GABRA5: variants seen among roughly 807,000 people sequenced by gnomAD.
GABRA5 encodes gamma-aminobutyric acid type A receptor subunit alpha5.
A neutral mutation model predicts 47.3 loss-of-function variants in GABRA5; 18 were observed. That is an observed-to-expected ratio of 0.38 (90% CI 0.26 to 0.56). The LOEUF is 0.56. GABRA5 is among the 20% of genes least tolerant of loss of function. GABRA5 has a pLI of 0.71. For synonymous variants in GABRA5, 237 were observed against 229.3 expected, an observed-to-expected ratio of 1.03 and a Z score of -0.30; for missense variants, 365 against 599.3, an observed-to-expected ratio of 0.61 and a Z score of 4.08.
intron 7 of GABRA5, among the ~76,000 whole-genome samples, chr15:26,924,332 A>G (rs1413838750): frequency 9.9e-5 from 15 of 152,058 alleles, no homozygotes; most frequent in Admixed American, 5.2e-4. Context: ...CTAGGCCTCT[A>G]CTGATAGTTC....
intron 3 of GABRA5, chr15:26,877,667 A>G (rs1474476572): frequency 2.2e-6 from 1 of 455,612 alleles, no homozygotes; most frequent in Non-Finnish European, 4.4e-6. Context: ...TTTCTTCTCC[A>G]GAAATGACGC....
intron 7 of GABRA5, among the ~76,000 whole-genome samples, chr15:26,920,768 C>T (rs1161404493): frequency 6.6e-6 from 1 of 152,152 alleles, no homozygotes; most frequent in Middle Eastern, 3.2e-3. Flanking sequence ...CTGGGGACCT[C>T]TCCAACCTTG....
chr15:26,917,491 G>A (rs1893745223), intron 7 of GABRA5, among the ~76,000 whole-genome samples: 1 of 151,992 alleles, frequency 6.6e-6, no homozygotes, highest in Non-Finnish European at 1.5e-5. Context: ...GAGGAGTTTG[G>A]CATCTATATT....
chr15:26,939,848 A>G, intron 8 of GABRA5, 77 bp from the exon 9 acceptor site: 1 of 1,472,400 alleles, frequency 6.8e-7, no homozygotes, highest in Non-Finnish European at 9.4e-7. Context: ...AGTGGAAGGG[A>G]GGCTCCTGGT....
At chr15:26,879,727 A>G (rs1163449066) in intron 3 of GABRA5, among the ~76,000 whole-genome samples, 1 of 152,190 alleles carries the variant, frequency 6.6e-6, no homozygotes, top group Non-Finnish European at 1.5e-5. Flanking sequence ...TGACCTCAGC[A>G]TCTCTCCATG....
intron 3 of GABRA5, 30 bp from the exon 4 acceptor site, chr15:26,880,816 A>G: frequency 6.2e-7 from 1 of 1,610,848 alleles, no homozygotes; most frequent in Non-Finnish European, 8.5e-7. Context: ...AATATGTTTT[A>G]ACGCTTCCTC....
chr15:26,948,450 G>A lies in GABRA5; in HGVS notation c.*217G>A, dbSNP rs186928569. The A allele has an allele frequency of 1.2e-3, 658 of 554,358 alleles. 2 individuals carry two copies. The highest frequency in any genetic ancestry group is 0.012 in the African/African-American group (618 of 53,368). 34.3% of individuals were successfully genotyped at this position (554,358 alleles called of 1,614,324 possible). On this transcript the variant is annotated 3_prime_UTR_variant, in exon 11 of 11. Coordinates refer to ENST00000335625, the MANE Select transcript of GABRA5 (RefSeq NM_000810.4). ...TGATAATTCGAGCAAACAACTTTCT[G>A]GAAAAACAGGATACGATGACTGACA...
intron 7 of GABRA5, among the ~76,000 whole-genome samples, chr15:26,936,302 CCTAAGCTTTGGG>C (rs1894241857): frequency 6.6e-6 from 1 of 152,110 alleles, no homozygotes; most frequent in African/African-American, 2.4e-5. Flanking sequence ...CCAGAACTGC[CCTAAGCTTTGGG>C]CTCCTTTGCA....
chr15:26,875,691 G>A (rs1892579881), intron 3 of GABRA5, among the ~76,000 whole-genome samples: 1 of 152,096 alleles, frequency 6.6e-6, no homozygotes, highest in South Asian at 2.1e-4. Flanking sequence ...GAGGAAGTGG[G>A]AGACGGGGAG....
At chr15:26,947,853 G>A (rs749463336) in intron 10 of GABRA5, 81 bp from the exon 11 acceptor site, 14 of 1,263,572 alleles carry the variant, frequency 1.1e-5, no homozygotes, top group Non-Finnish European at 1.4e-5. Flanking sequence ...TCTCTTTTGA[G>A]AGGTATACCT....
intron 3 of GABRA5, among the ~76,000 whole-genome samples, chr15:26,876,216 C>T (rs1332312049): frequency 6.6e-6 from 1 of 152,144 alleles, no homozygotes; most frequent in Non-Finnish European, 1.5e-5. Flanking sequence ...CCCCTGGAGA[C>T]ACCACTAGGT....
At position 26,883,277 on chromosome 15, in the gene GABRA5, C is replaced by T. The variant is rs375849220; in HGVS notation, c.276+44C>T. Reference sequence around the variant, plus strand: ...CTGGGCAGACAATTCTTACTCCGCGCCGCAGGCCCCCGCCCAGGCCCCGTG... The same window carrying T: ...CTGGGCAGACAATTCTTACTCCGCGTCGCAGGCCCCCGCCCAGGCCCCGTG... On this transcript the variant is annotated intron_variant, in intron 5 of 10. Coordinates refer to ENST00000335625, the MANE Select transcript of GABRA5 (RefSeq NM_000810.4). This position sits in a 1 kb window ranked among gnomAD's most constrained non-coding sequence, Gnocchi z 4.8. 7.0e-5 allele frequency: 112 copies of T among 1,610,538 alleles called. No individual in the cohort carries two copies. Among genetic ancestry groups the T allele is most frequent in the Non-Finnish European group, 9.0e-5 (106 of 1,176,934 alleles).
At chr15:26,940,119 A>G (rs1170532319) in intron 9 of GABRA5, 42 bp downstream of exon 9, 1 of 1,562,174 alleles carries the variant, frequency 6.4e-7, no homozygotes, top group Non-Finnish European at 8.7e-7. Context: ...GTGTTTTGTG[A>G]CTGACCCTAA....
At chr15:26,882,434 C>T (rs1892751461) in intron 4 of GABRA5, among the ~76,000 whole-genome samples, 1 of 152,166 alleles carries the variant, frequency 6.6e-6, no homozygotes, top group Non-Finnish European at 1.5e-5. Context: ...GGAAGTTACC[C>T]GGTGTGGGCT....
intron 6 of GABRA5, among the ~76,000 whole-genome samples, chr15:26,893,309 TTG>T (rs1179084313): frequency 1.4e-5 from 1 of 69,916 alleles, no homozygotes; most frequent in East Asian, 5.1e-4. Flanking sequence ...ATATGGTGTG[TTG>T]TGTGTATATG....
At chr15:26,889,617 T>C (rs1412173888) in intron 6 of GABRA5, among the ~76,000 whole-genome samples, 1 of 152,214 alleles carries the variant, frequency 6.6e-6, no homozygotes, top group African/African-American at 2.4e-5. Context: ...GATGTGTTTG[T>C]ATATATGTAC....
rs376170037 is a variant in GABRA5 at position 26,895,812 on chromosome 15, C to CAAAAAAAA, written c.497+12264_497+12271dup. Among the ~76,000 whole-genome samples the CAAAAAAAA allele has an allele frequency of 1.6e-4, 20 of 123,254 alleles. 1 individual carries two copies. Among genetic ancestry groups the CAAAAAAAA allele is most frequent in the African/African-American group, 7.1e-4 (20 of 28,184 alleles). The allele number at this position is 123,254 out of a possible 152,430, so 80.9% of individuals were successfully genotyped here. ...CCTGGGCGACAGAGCAAGACTCCGT[C>CAAAAAAAA]AAAAAAAAAAAAAAAAGAAGAAGAA... On this transcript the variant is annotated intron_variant, in intron 6 of 10. Transcript: ENST00000335625.
chr15:26,891,906 G>A (rs1181253115), intron 6 of GABRA5, among the ~76,000 whole-genome samples: 1 of 152,208 alleles, frequency 6.6e-6, no homozygotes, highest in African/African-American at 2.4e-5. Flanking sequence ...CCTTAAGCAG[G>A]CCGAAACTGA....
At chr15:26,913,626 G>A (rs1205037192) in intron 6 of GABRA5, among the ~76,000 whole-genome samples, 2 of 152,144 alleles carry the variant, frequency 1.3e-5, no homozygotes, top group East Asian at 3.9e-4. Flanking sequence ...ACATGCACTT[G>A]AAGTTGAACG....
Sources: gnomAD v4.1 joint callset for allele counts (sites outside exome capture counted in the v4.1 genomes callset) on GRCh38, gnomAD v4.1.1 for gene constraint, Gnocchi (gnomAD v3.1) non-coding constraint, MANE v1.5 for transcripts, NCBI Gene and HGNC (gene_info 2026-07-23, HGNC 2026-07-21) for gene names.